The following TRIP12 variants were observed in gnomAD, a reference collection of about 807,000 sequenced individuals.
The protein encoded by TRIP12 is E3 ubiquitin-protein ligase TRIP12.
Under a neutral mutation model 244.2 loss-of-function variants are expected in TRIP12, and 25 were observed. That is an observed-to-expected ratio of 0.10 (90% CI 0.07 to 0.14). The LOEUF (loss-of-function observed/expected upper bound fraction) is 0.14, where lower values mean the gene tolerates loss of function less well. TRIP12 is among the 10% of genes least tolerant of loss of function. The pLI, the probability that TRIP12 is intolerant of heterozygous loss-of-function variation, is 1.00. For synonymous variants in TRIP12, 905 were observed against 873.1 expected (o/e 1.04, Z -0.64); for missense variants, 1,677 against 2,486.4 (o/e 0.67, Z 6.92).
chr2:229,778,768 GA>G lies in TRIP12; in HGVS notation c.5209+107del. ...ATAAATGAGAAAACAGAGGCTAAAA[GA>G]AAGCAAGTACAGCTGTCCATTAGAA... is the stretch of plus-strand genomic sequence containing the variant. On this transcript the variant is annotated intron_variant, in intron 35 of 41. Transcript: ENST00000675903. The surrounding 1 kb of genome is among the most constrained non-coding windows in gnomAD (Gnocchi z 4.1). 1 of 1,353,120 alleles carries G rather than the reference GA, an allele frequency of 7.4e-7. No individual in the cohort carries two copies. The highest frequency in any genetic ancestry group is 1.0e-6 in the Non-Finnish European group (1 of 974,706). 83.8% of individuals were successfully genotyped at this position (1,353,120 alleles called of 1,614,324 possible). A position where few individuals can be genotyped will look rare whatever the true frequency, so the allele number is the denominator to read the frequency against.
intron 17 of TRIP12, among the ~76,000 whole-genome samples, chr2:229,807,030 C>T: frequency 6.6e-6 from 1 of 152,152 alleles, no homozygotes; most frequent in Non-Finnish European, 1.5e-5. Flanking sequence ...AAAAATATTT[C>T]AGTGCAAACA....
chr2:229,864,047 A>AGAGAGAGAGAGAGAGAGAGAGAGTGTGT, intron 2 of TRIP12, among the ~76,000 whole-genome samples: 4 of 79,318 alleles, frequency 5.0e-5, no homozygotes, highest in East Asian at 4.4e-4. Flanking sequence ...AGAGAGAGAG[A>AGAGAGAGAGAGAGAGAGAGAGAGTGTGT]GTGTGTGTGT....
Position 229,778,546 on chromosome 2 carries a change from G to T in TRIP12, c.5251C>A (p.Leu1751Met). Residue 1751 changes from leucine to methionine, a missense_variant, in exon 36 of 42, where the codon CTG (leucine) becomes ATG (methionine). Physicochemically the swap from Leu to Met is conservative, Grantham distance 15 (BLOSUM62 2). Around this residue, in one of 11 missense-constraint regions of TRIP12, gnomAD observed 171 missense variants for 388.4 expected, o/e 0.44. Transcript: ENST00000675903. This position sits in a 1 kb window ranked among gnomAD's most constrained non-coding sequence, Gnocchi z 4.1. Reference protein sequence around the residue: ...GTKYIQNLQGLFALPFGRTAK... With the variant: ...GTKYIQNLQGMFALPFGRTAK... ...GTCCTACCAAAGGGAAGCGCAAACA[G>T]GCCCTGGAGGTTTTGAATATACTTG... The T allele has an allele frequency of 6.2e-7, 1 of 1,614,052 alleles. No homozygotes were observed. The highest frequency in any genetic ancestry group is 8.5e-7 in the Non-Finnish European group (1 of 1,179,932).
At chr2:229,904,321 G>A (rs1393388067) in intron 1 of TRIP12, among the ~76,000 whole-genome samples, 1 of 150,632 alleles carries the variant, frequency 6.6e-6, no homozygotes, top group Non-Finnish European at 1.5e-5. Context: ...GAAAGGCTGA[G>A]GCAGGAGAAT....
rs1158265699 is a variant in TRIP12, at chr2:229,902,507, T to C, written c.-50+19373A>G. Among the ~76,000 whole-genome samples, 14 of 152,334 alleles carry C rather than the reference T, an allele frequency of 9.2e-5. No homozygotes were observed. The South Asian group carries it at 2.7e-3, about 29-fold the overall frequency. On this transcript the variant is annotated intron_variant, in intron 1 of 41. Transcript: ENST00000675903. The stretch of plus-strand genomic sequence containing the variant: ...TCACTGATATTATATCACATTACAA[T>C]TGCTGCAGATACCTCAAACTATCCT...
chr2:229,861,458 C>G (rs2060472768), intron 2 of TRIP12, among the ~76,000 whole-genome samples: 1 of 152,098 alleles, frequency 6.6e-6, no homozygotes, highest in South Asian at 2.1e-4. Context: ...AGCTGATATC[C>G]ACTTTCCACA....
At position 229,801,993 on chromosome 2, in the gene TRIP12, G is replaced by A. The variant is rs189624060; in HGVS notation, c.3206+259C>T. 2.6e-5 allele frequency among the ~76,000 whole-genome samples: 4 copies of A among 152,220 alleles called. No individual in the cohort carries two copies. In the East Asian group the frequency reaches 7.7e-4, roughly 29 times the overall value. Reference sequence around the variant, plus strand: ...AAGTAACATAAGTGTGTAACACCGTGCAAGTCACAAATGTCTCTGAACTTT... The same window carrying A: ...AAGTAACATAAGTGTGTAACACCGTACAAGTCACAAATGTCTCTGAACTTT... On this transcript the variant is annotated intron_variant, in intron 21 of 41. Coordinates refer to ENST00000675903, the MANE Select transcript of TRIP12 (RefSeq NM_001348323.3).
rs1318794163 is a variant in TRIP12 at position 229,815,400 on chromosome 2, T to C, written c.1600-92A>G. ...TCTTCTATTTGAACTTCAACTGAAATGGAAGTATTATTCCTAACTTTTACC... is the reference window on the plus strand; with the variant it reads ...TCTTCTATTTGAACTTCAACTGAAACGGAAGTATTATTCCTAACTTTTACC... On this transcript the variant is annotated intron_variant, in intron 9 of 41. Coordinates refer to ENST00000675903, the MANE Select transcript of TRIP12 (RefSeq NM_001348323.3). 4 of 744,132 alleles carry C rather than the reference T, an allele frequency of 5.4e-6. No homozygotes were observed. In the African/African-American group the frequency reaches 7.2e-5, roughly 13 times the overall value. The allele number at this position is 744,132 out of a possible 1,614,324, so 46.1% of individuals were successfully genotyped here. A position where few individuals can be genotyped will look rare whatever the true frequency, so the allele number is the denominator to read the frequency against.
intron 2 of TRIP12, among the ~76,000 whole-genome samples, chr2:229,866,669 T>C (rs1183535693): frequency 2.0e-5 from 3 of 152,182 alleles, no homozygotes; most frequent in African/African-American, 7.2e-5. Flanking sequence ...AACAAATATA[T>C]GCAAGTCCCA....
intron 2 of TRIP12, 50 bp downstream of exon 2, chr2:229,879,932 A>AT (rs1421252384): frequency 1.2e-6 from 2 of 1,600,668 alleles, no homozygotes; most frequent in Non-Finnish European, 1.7e-6. Flanking sequence ...GCTTAAAAAT[A>AT]TTTTTTCTTT....
At chr2:229,846,504 T>C (rs544563924) in intron 4 of TRIP12, among the ~76,000 whole-genome samples, 10 of 152,310 alleles carry the variant, frequency 6.6e-5, no homozygotes, top group Non-Finnish European at 1.5e-4. Context: ...CTTACTAGAT[T>C]ACAGTATAGT....
intron 6 of TRIP12, among the ~76,000 whole-genome samples, chr2:229,835,721 ATAGCCTG>A (rs1181897174): frequency 6.6e-6 from 1 of 152,232 alleles, no homozygotes; most frequent in African/African-American, 2.4e-5. Flanking sequence ...GTCTACATTA[ATAGCCTG>A]CAGCTCCTTT....
At chr2:229,801,418 T>C (rs1048674592) in intron 21 of TRIP12, among the ~76,000 whole-genome samples, 2 of 152,224 alleles carry the variant, frequency 1.3e-5, no homozygotes, top group Non-Finnish European at 2.9e-5. Flanking sequence ...AATGCTACCC[T>C]GCAGATTATA....
Position 229,769,183 on chromosome 2 carries a change from C to T in TRIP12, c.5903+48G>A, listed in dbSNP as rs1024835932. 9.6e-6 allele frequency: 15 copies of T among 1,555,550 alleles called. No individual in the cohort carries two copies. In the East Asian group the frequency reaches 1.6e-4, roughly 17 times the overall value. On this transcript the variant is annotated intron_variant, in intron 40 of 41. Transcript: ENST00000675903. The stretch of plus-strand genomic sequence containing the variant: ...TGTGTGTGTACACACACACCCCTCT[C>T]CACATTCTTCAGAATCAACAGAAAA...
At chr2:229,776,273 C>CT (rs921650635) in intron 37 of TRIP12, among the ~76,000 whole-genome samples, 3 of 151,994 alleles carry the variant, frequency 2.0e-5, no homozygotes, top group African/African-American at 4.8e-5. Context: ...TTTGTTTCTC[C>CT]TTTTTTTGTT....
At chr2:229,823,027 T>C (rs554951465) in intron 8 of TRIP12, among the ~76,000 whole-genome samples, 56 of 152,004 alleles carry the variant, frequency 3.7e-4, no homozygotes, top group Admixed American at 1.1e-3. Context: ...AGAGAAAAAA[T>C]TCTGAAAACA....
At chr2:229,869,489 A>G (rs1236422085) in intron 2 of TRIP12, among the ~76,000 whole-genome samples, 1 of 152,214 alleles carries the variant, frequency 6.6e-6, no homozygotes, top group African/African-American at 2.4e-5. Flanking sequence ...GCCCAGATCA[A>G]TGAGGTCATC....
At chr2:229,807,562 C>T (rs1316633862) in intron 17 of TRIP12, 146 bp downstream of exon 17, 2 of 1,024,304 alleles carry the variant, frequency 2.0e-6, no homozygotes, top group African/African-American at 1.6e-5. Context: ...GAAATGAGGA[C>T]CTTGTTCTCA....
intron 4 of TRIP12, among the ~76,000 whole-genome samples, chr2:229,841,549 TAAGTA>T (rs941908542): frequency 2.6e-5 from 4 of 152,196 alleles, no homozygotes; most frequent in African/African-American, 9.6e-5. Context: ...GTGTATCAAT[TAAGTA>T]AAGTTTATTA....
Sources: allele counts gnomAD v4.1 joint callset (sites outside exome capture counted in the v4.1 genomes callset), GRCh38; gene constraint gnomAD v4.1.1; regional missense constraint gnomAD v4.1.1; non-coding constraint Gnocchi (gnomAD v3.1); transcripts MANE v1.5; gene names NCBI Gene and HGNC (gene_info 2026-07-23, HGNC 2026-07-21).